The following SLIT1 variants were observed in gnomAD, a reference collection of about 807,000 sequenced individuals.
The protein encoded by SLIT1 is slit homolog 1 protein.
SLIT1 carries 66 observed loss-of-function variants against 186.1 expected under a neutral mutation model. That is an observed-to-expected ratio of 0.35 (90% CI 0.29 to 0.44). The LOEUF (loss-of-function observed/expected upper bound fraction) is 0.44. SLIT1 is among the 20% of genes least tolerant of loss of function. SLIT1 has a pLI of 1.00. For missense variants in SLIT1, 1,638 were observed against 2,037.4 expected (o/e 0.80, Z 3.77); for synonymous variants, 761 against 833.8 (o/e 0.91, Z 1.50).
At chr10:97,058,133 T>A (rs1848858536) in intron 11 of SLIT1, 1 of 699,884 alleles carries the variant, frequency 1.4e-6, no homozygotes, top group East Asian at 2.7e-5. Flanking sequence ...AATGGGACAG[T>A]AACTTGGTCT....
At chr10:97,034,643 C>G (rs1249312894) in intron 22 of SLIT1, 101 bp from the exon 23 acceptor site, 1 of 1,100,506 alleles carries the variant, frequency 9.1e-7, no homozygotes, top group Non-Finnish European at 1.4e-6. Context: ...GGGCCATTCC[C>G]CAGCCAGGTT....
At chr10:97,044,362 C>A (rs948021551) in intron 18 of SLIT1, among the ~76,000 whole-genome samples, 3 of 152,104 alleles carry the variant, frequency 2.0e-5, no homozygotes, top group Non-Finnish European at 4.4e-5. Context: ...CACTACTGCA[C>A]CCCAGCTGCC....
Position 97,004,360 on chromosome 10 carries a change from G to A in SLIT1, c.3711-138C>T. ...AAGGAAAAGGACTGTGGGGGCTCAAGGGTCTATCGCATGATCCCTTTCACT... is the reference window on the plus strand; with the variant it reads ...AAGGAAAAGGACTGTGGGGGCTCAAAGGTCTATCGCATGATCCCTTTCACT... On this transcript the variant is annotated intron_variant, in intron 33 of 36. Transcript: ENST00000266058. This position sits in a 1 kb window ranked among gnomAD's most constrained non-coding sequence, Gnocchi z 5.1. 2 of 864,944 alleles carry A rather than the reference G, an allele frequency of 2.3e-6. No homozygotes were observed. Among genetic ancestry groups the A allele is most frequent in the East Asian group, 5.0e-5 (2 of 39,948 alleles). The allele number at this position is 864,944 out of a possible 1,614,324, so 53.6% of individuals were successfully genotyped here.
rs560001513 is a variant in SLIT1, at chr10:97,149,838, A to T, written c.413+7980T>A. Among the ~76,000 whole-genome samples the T allele has an allele frequency of 3.1e-4, 47 of 152,276 alleles. No homozygotes were observed. In the South Asian group the frequency reaches 3.5e-3, roughly 11 times the overall value. On this transcript the variant is annotated intron_variant, in intron 4 of 36. Coordinates refer to ENST00000266058, the MANE Select transcript of SLIT1 (RefSeq NM_003061.3). The stretch of plus-strand genomic sequence containing the variant: ...GTTAAAAGGTATTCCCCGAAAAAAT[A>T]AATTTTTTGAGGTTCACAGTCAGAT...
chr10:97,022,186 C>G lies in SLIT1; in HGVS notation c.2583-773G>C, dbSNP rs1030975950. Among the ~76,000 whole-genome samples, 4 of 152,184 alleles carry G rather than the reference C, an allele frequency of 2.6e-5. No individual in the cohort carries two copies. Among genetic ancestry groups the G allele is most frequent in the African/African-American group, 9.7e-5 (4 of 41,442 alleles). On this transcript the variant is annotated intron_variant, in intron 25 of 36. Coordinates refer to ENST00000266058, the MANE Select transcript of SLIT1 (RefSeq NM_003061.3). This position sits in a 1 kb window ranked among gnomAD's most constrained non-coding sequence, Gnocchi z 4.2. ...CTCTCCATCTCAAAGATGTGGGCAC[C>G]GAGCCTCCCATGGAATAAGTAATTT...
rs142590371 is a variant in SLIT1, at chr10:97,116,903, C to A, written c.413+40915G>T. ...CCTGGGATTCACTCCTGCCCACCCCCTCCTTCCACCCGTCAGCTTGTTACC... is the reference window on the plus strand; with the variant it reads ...CCTGGGATTCACTCCTGCCCACCCCATCCTTCCACCCGTCAGCTTGTTACC... On this transcript the variant is annotated intron_variant, in intron 4 of 36. Coordinates refer to ENST00000266058, the MANE Select transcript of SLIT1 (RefSeq NM_003061.3). 1.0e-3 allele frequency among the ~76,000 whole-genome samples: 152 copies of A among 152,320 alleles called. 5 individuals are homozygous for A. In the East Asian group the frequency reaches 0.029, roughly 29 times the overall value.
intron 16 of SLIT1, 46 bp downstream of exon 16, chr10:97,047,644 T>C: frequency 1.3e-6 from 2 of 1,537,302 alleles, no homozygotes; most frequent in South Asian, 1.1e-5. Flanking sequence ...GGAGGGTTAG[T>C]GGCAGTTAGG....
intron 4 of SLIT1, among the ~76,000 whole-genome samples, chr10:97,120,314 A>G (rs1247328434): frequency 6.6e-6 from 1 of 152,086 alleles, no homozygotes; most frequent in East Asian, 1.9e-4. Context: ...TCTGTGAGAA[A>G]GGAGGGGCCG....
At chr10:97,046,502 C>T (rs529716480) in intron 18 of SLIT1, 152 bp downstream of exon 18, 194 of 753,908 alleles carry the variant, frequency 2.6e-4, no homozygotes, top group Middle Eastern at 3.9e-4. Context: ...AACTTGATTA[C>T]CTGTCCCAAC....
At chr10:97,073,680 G>A (rs1849021228) in intron 4 of SLIT1, among the ~76,000 whole-genome samples, 1 of 152,180 alleles carries the variant, frequency 6.6e-6, no homozygotes, top group Admixed American at 6.5e-5. Context: ...GAGCACTCAC[G>A]GAGAGGCCAG....
chr10:97,095,577 C>T (rs1849279654), intron 4 of SLIT1, among the ~76,000 whole-genome samples: 1 of 152,198 alleles, frequency 6.6e-6, no homozygotes, highest in Admixed American at 6.5e-5. Flanking sequence ...TTAGTGAGAA[C>T]TGAAGTCCAC....
intron 25 of SLIT1, among the ~76,000 whole-genome samples, chr10:97,025,181 A>G (rs1848533913): frequency 6.6e-6 from 1 of 152,140 alleles, no homozygotes; most frequent in African/African-American, 2.4e-5. Flanking sequence ...AGGCTGAGGC[A>G]GGAGCATCGC....
Position 97,128,327 on chromosome 10 carries a change from G to A in SLIT1, c.413+29491C>T, listed in dbSNP as rs1295227889. ...CAAATGTGGGTAATCATAAAGATGG[G>A]CCCAGCAGGACAAGCAGGAGTGTTC... is the stretch of plus-strand genomic sequence containing the variant. On this transcript the variant is annotated intron_variant, in intron 4 of 36. Coordinates refer to ENST00000266058, the MANE Select transcript of SLIT1 (RefSeq NM_003061.3). Among the ~76,000 whole-genome samples the A allele has an allele frequency of 3.3e-5, 5 of 152,282 alleles. No individual in the cohort carries two copies. In the East Asian group the frequency reaches 9.7e-4, roughly 29 times the overall value.
At chr10:97,090,593 G>A (rs955365943) in intron 4 of SLIT1, among the ~76,000 whole-genome samples, 2 of 4,064 alleles carry the variant, frequency 4.9e-4, no homozygotes, top group Admixed American at 0.021. Context: ...GGATTATAGG[G>A]TGTTGGGGGG....
chr10:97,045,929 T>C (rs1213254010), intron 18 of SLIT1, among the ~76,000 whole-genome samples: 1 of 152,198 alleles, frequency 6.6e-6, no homozygotes, highest in African/African-American at 2.4e-5. Context: ...TAGATTTAAA[T>C]GCATTAAAAT....
At chr10:97,067,699 C>T (rs1171467024) in intron 4 of SLIT1, among the ~76,000 whole-genome samples, 1 of 152,150 alleles carries the variant, frequency 6.6e-6, no homozygotes, top group East Asian at 1.9e-4. Context: ...CCTGGTTGGA[C>T]CCGGGCTCCC....
Position 97,047,005 on chromosome 10 carries a change from T to A in SLIT1, c.1695A>T (p.Thr565=), listed in dbSNP as rs1258162582. The stretch of plus-strand genomic sequence containing the variant: ...GGGTAACTCACATTTTCTTCAGATG[T>A]GTAAGTTTTTTAAACATCCCAGTGG... ...LEATGMFKKL[T]HLKKINLSNN... The change falls in exon 17 of 37, where the codon ACA becomes ACT. Residue 565 remains threonine, a synonymous_variant. Transcript: ENST00000266058. 7 of 1,611,158 alleles carry A rather than the reference T, an allele frequency of 4.3e-6. No homozygotes were observed. Among genetic ancestry groups the A allele is most frequent in the Non-Finnish European group, 5.1e-6 (6 of 1,177,324 alleles).
intron 4 of SLIT1, among the ~76,000 whole-genome samples, chr10:97,073,801 C>A (rs1006029878): frequency 2.0e-5 from 3 of 152,162 alleles, no homozygotes; most frequent in African/African-American, 7.2e-5. Flanking sequence ...CCAGTTTTCT[C>A]ATCTGCAACA....
Position 97,022,225 on chromosome 10 carries a change from C to A in SLIT1, c.2583-812G>T, listed in dbSNP as rs1848508443. Among the ~76,000 whole-genome samples the A allele has an allele frequency of 6.6e-6, 1 of 152,238 alleles. No individual in the cohort carries two copies. The highest frequency in any genetic ancestry group is 2.1e-4 in the South Asian group (1 of 4,826). ...AATAAGTAATTTCCCTGGGGTCACACAACTAGCTAAGGGCAGCCCCTGGAT... is the reference window on the plus strand; with the variant it reads ...AATAAGTAATTTCCCTGGGGTCACAAAACTAGCTAAGGGCAGCCCCTGGAT... On this transcript the variant is annotated intron_variant, in intron 25 of 36. Coordinates refer to ENST00000266058, the MANE Select transcript of SLIT1 (RefSeq NM_003061.3). This position sits in a 1 kb window ranked among gnomAD's most constrained non-coding sequence, Gnocchi z 4.2.
Sources: allele counts gnomAD v4.1 joint callset (sites outside exome capture counted in the v4.1 genomes callset), GRCh38; gene constraint gnomAD v4.1.1; non-coding constraint Gnocchi (gnomAD v3.1); transcripts MANE v1.5; gene names NCBI Gene and HGNC (gene_info 2026-07-23, HGNC 2026-07-21).